The following SPG11 variants were observed in gnomAD, a reference collection of about 807,000 sequenced individuals.
SPG11 encodes spatacsin.
SPG11 carries 222 observed loss-of-function variants against 274.0 expected under a neutral mutation model. The ratio of observed to expected loss-of-function variants is 0.81; its 90% confidence interval spans 0.73 to 0.91. The LOEUF (loss-of-function observed/expected upper bound fraction) is 0.91, where lower values mean the gene tolerates loss of function less well. Among genes scored for constraint, SPG11 ranks in the 40% least tolerant of loss-of-function variants. The probability of loss-of-function intolerance (pLI) is 0.00; values close to 1 mark genes in which losing one functional copy is unlikely to be tolerated. For synonymous variants in SPG11, 1,144 were observed against 1,039.7 expected, an observed-to-expected ratio of 1.10 and a Z score of -1.93; for missense variants, 3,114 against 2,872.7, an observed-to-expected ratio of 1.08 and a Z score of -1.92.
intron 21 of SPG11, chr15:44,600,238 A>G: frequency 8.3e-6 from 4 of 479,608 alleles, no homozygotes; most frequent in South Asian, 7.1e-5. Flanking sequence ...ATGTACATGT[A>G]AAACATTATA....
At chr15:44,650,751 A>G (rs149089807) in intron 6 of SPG11, among the ~76,000 whole-genome samples, 2,837 of 152,126 alleles carry the variant, frequency 0.019, 75 homozygotes, top group African/African-American at 0.049. Flanking sequence ...CAGATCTTAC[A>G]ATTTTTTCTT....
At position 44,569,180 on chromosome 15, in the gene SPG11, AAAAAG is replaced by A. The variant is rs1400952377; in HGVS notation, c.6585+213_6585+217del. ...ACTCCGTCTCAAAAAAAAAAAAAAG[AAAAAG>A]AAAAAAAAAATATATGGCATCAGCA... is the stretch of plus-strand genomic sequence containing the variant. On this transcript the variant is annotated intron_variant, in intron 35 of 39. Transcript: ENST00000261866. Among the ~76,000 whole-genome samples, 905 of 146,666 alleles carry A rather than the reference AAAAAG, an allele frequency of 6.2e-3. 14 individuals carry two copies. The highest frequency in any genetic ancestry group is 0.021 in the African/African-American group (854 of 40,882).
intron 7 of SPG11, among the ~76,000 whole-genome samples, chr15:44,645,199 C>G (rs945673959): frequency 6.6e-6 from 1 of 152,166 alleles, no homozygotes; most frequent in East Asian, 1.9e-4. Flanking sequence ...GCAGACTTCA[C>G]ATCACCTGAC....
chr15:44,626,348 C>T lies in SPG11; in HGVS notation c.2227G>A (p.Glu743Lys). 1 of 1,612,382 alleles carries T rather than the reference C, an allele frequency of 6.2e-7. No individual in the cohort carries two copies. Among genetic ancestry groups the T allele is most frequent in the South Asian group, 1.1e-5 (1 of 90,876 alleles). The change falls in exon 11 of 40, where the codon GAA becomes AAA. Residue 743 changes from glutamate (E) to lysine (K), a missense_variant. Physicochemically the swap from Glu to Lys is moderately conservative, Grantham distance 56. Transcript: ENST00000261866. The stretch of plus-strand genomic sequence containing the variant: ...CCACTCACCATATTCTTCAAAAGTT[C>T]AGAGGCTTCCTTTATATTGTTCTTT... ...LKKNNIKEAS[E>K]LLKNMGFDVK...
Position 44,583,805 on chromosome 15 carries a change from T to C in SPG11, c.5866+9A>G. ...TAAGACTCTGGGCCATCTGATCTCC[T>C]TCACTTACTGCTGTGGACTCTCCTT... On this transcript the variant is annotated intron_variant, in intron 30 of 39. Coordinates refer to ENST00000261866, the MANE Select transcript of SPG11 (RefSeq NM_025137.4). The C allele has an allele frequency of 6.2e-7, 1 of 1,614,166 alleles. No individual in the cohort carries two copies. Among genetic ancestry groups the C allele is most frequent in the Non-Finnish European group, 8.5e-7 (1 of 1,180,022 alleles).
At chr15:44,628,578 G>T in intron 10 of SPG11, 91 bp downstream of exon 10, 2 of 1,198,046 alleles carry the variant, frequency 1.7e-6, no homozygotes, top group Non-Finnish European at 2.5e-6. Flanking sequence ...TGAATCACAA[G>T]TATATAGAGT....
chr15:44,598,607 C>T, intron 22 of SPG11, 24 bp downstream of exon 22: 14 of 1,607,644 alleles, frequency 8.7e-6, no homozygotes, highest in Non-Finnish European at 1.2e-5. Flanking sequence ...CTAAACAAAG[C>T]AGGCCAGATA....
At chr15:44,662,985 G>T (rs2085160944) in intron 1 of SPG11, among the ~76,000 whole-genome samples, 1 of 152,242 alleles carries the variant, frequency 6.6e-6, no homozygotes, top group South Asian at 2.1e-4. Context: ...GTATCAGGAT[G>T]ATTCAAATTA....
chr15:44,627,366 T>C (rs913660030), intron 10 of SPG11, among the ~76,000 whole-genome samples: 4 of 152,186 alleles, frequency 2.6e-5, no homozygotes, highest in African/African-American at 9.7e-5. Flanking sequence ...GTATAAAATT[T>C]TGTCTATGTG....
Position 44,663,612 on chromosome 15 carries a change from G to A in SPG11, c.36C>T (p.Ser12=), listed in dbSNP as rs368656047. The A allele has an allele frequency of 6.6e-5, 105 of 1,596,400 alleles. 1 individual carries two copies. Among genetic ancestry groups the A allele is most frequent in the East Asian group, 1.6e-4 (7 of 44,562 alleles). ...AAEEGVASAA[S]AGGSWGTAAM... ...CCGCGGTGCCCCAGCTACCGCCGGC[G>A]GAAGCAGCACTCGCGACCCCTTCCT... Residue 12 remains serine, a synonymous_variant, in exon 1 of 40, where the codon TCC becomes TCT. Transcript: ENST00000261866.
chr15:44,596,502 T>G, intron 24 of SPG11, 147 bp from the exon 25 acceptor site: 2 of 1,012,986 alleles, frequency 2.0e-6, no homozygotes, highest in East Asian at 2.6e-5. Flanking sequence ...CAAAGCTGTA[T>G]GGTGCCTTTT....
In SPG11 at chr15:44,622,291, G is replaced by A. The variant is rs1294501977; in HGVS notation, c.2373C>T (p.Asp791=). Residue 791 remains aspartate (D), a synonymous_variant, in exon 13 of 40, where the codon GAC becomes GAT. Coordinates refer to ENST00000261866, the MANE Select transcript of SPG11 (RefSeq NM_025137.4). Reference sequence around the variant, plus strand: ...AAAGCTTCTCAACTTGATGCACGAAGTCTATAGTTCTTTTCTCTTTTTCAG... The same window carrying A: ...AAAGCTTCTCAACTTGATGCACGAAATCTATAGTTCTTTTCTCTTTTTCAG... ...YFSEKEKRTI[D]FVHQVEKLYL... is the part of the protein sequence containing the mutation. 1 of 1,590,604 alleles carries A rather than the reference G, an allele frequency of 6.3e-7. No homozygotes were observed. Among genetic ancestry groups the A allele is most frequent in the Admixed American group, 1.7e-5 (1 of 59,824 alleles).
At chr15:44,578,086 G>A (rs1220334692) in intron 30 of SPG11, among the ~76,000 whole-genome samples, 10 of 147,728 alleles carry the variant, frequency 6.8e-5, no homozygotes, top group Non-Finnish European at 1.3e-4. Context: ...GTGCATTGGC[G>A]TGATCTCGGC....
chr15:44,585,981 CTG>C, intron 28 of SPG11, 131 bp from the exon 29 acceptor site: 12 of 528,152 alleles, frequency 2.3e-5, no homozygotes, highest in Admixed American at 7.5e-5. Context: ...AAATAAAAAG[CTG>C]TTTTTTTTTT....
At position 44,565,985 on chromosome 15, in the gene SPG11, G is replaced by A. The variant is rs1472868104; in HGVS notation, c.6868C>T (p.His2290Tyr). 1 of 1,613,872 alleles carries A rather than the reference G, an allele frequency of 6.2e-7. No individual in the cohort carries two copies. The highest frequency in any genetic ancestry group is 8.5e-7 in the Non-Finnish European group (1 of 1,180,032). Residue 2290 changes from histidine (H) to tyrosine (Y), a missense_variant, in exon 38 of 40, where the codon CAC (histidine) becomes TAC (tyrosine). By Grantham distance (83) the His-to-Tyr change is moderately conservative. Coordinates refer to ENST00000261866, the MANE Select transcript of SPG11 (RefSeq NM_025137.4). ...AKDSCVRQAQ[H>Y]CQRLTKLITL... ...ATCAACTTGGTGAGCCGCTGACAGT[G>A]CTGGGCCTGTCGCACACAGGAGTCC...
chr15:44,633,359 A>AAAAAG (rs1567177921), intron 8 of SPG11, 146 bp downstream of exon 8: 1 of 356,520 alleles, frequency 2.8e-6, no homozygotes, highest in Non-Finnish European at 4.8e-6. Flanking sequence ...AAAAAAAAAA[A>AAAAAG]AAAGAAAGTT....
rs1267931734 is a variant in SPG11 at position 44,565,857 on chromosome 15, G to A, written c.6996C>T (p.Tyr2332=). 1 of 1,614,060 alleles carries A rather than the reference G, an allele frequency of 6.2e-7. No individual in the cohort carries two copies. Among genetic ancestry groups the A allele is most frequent in the South Asian group, 1.1e-5 (1 of 91,050 alleles). The change falls in exon 38 of 40, where the codon TAC becomes TAT. Residue 2332 remains tyrosine (Y), a synonymous_variant. Coordinates refer to ENST00000261866, the MANE Select transcript of SPG11 (RefSeq NM_025137.4). ...MDCILALPRF[Y]QASIVAEAYD... ...TACAGTTTGCTTTCTTGCTCACCTG[G>A]TAGAACCGAGGTAGGGCCAGAATAC...
chr15:44,657,112 G>C lies in SPG11; in HGVS notation c.852C>G (p.Asn284Lys), dbSNP rs778258966. Residue 284 changes from asparagine (N) to lysine (K), a missense_variant, in exon 4 of 40, where the codon AAC (asparagine) becomes AAG (lysine). Physicochemically the swap from Asn to Lys is moderately conservative, Grantham distance 94. Coordinates refer to ENST00000261866, the MANE Select transcript of SPG11 (RefSeq NM_025137.4). ...CTACATACCTGAAATACAAATTTAA[G>C]TTAAGAGCAACTGCGGAGTTGGAGG... Reference protein sequence around the residue: ...VSSSNSAVALNLNLYFRQHPG... With the variant: ...VSSSNSAVALKLNLYFRQHPG... The C allele has an allele frequency of 6.2e-7, 1 of 1,613,966 alleles. No homozygotes were observed. The highest frequency in any genetic ancestry group is 1.1e-5 in the South Asian group (1 of 91,068).
At chr15:44,599,297 A>AT (rs2083123887) in intron 21 of SPG11, among the ~76,000 whole-genome samples, 1 of 152,064 alleles carries the variant, frequency 6.6e-6, no homozygotes, top group Non-Finnish European at 1.5e-5. Context: ...ACTATTTTTT[A>AT]TTTTTATTAT....
Sources: allele counts gnomAD v4.1 joint callset (sites outside exome capture counted in the v4.1 genomes callset), GRCh38; gene constraint gnomAD v4.1.1; transcripts MANE v1.5; gene names NCBI Gene and HGNC (gene_info 2026-07-23, HGNC 2026-07-21).